SPAG4: variants seen among roughly 807,000 people sequenced by gnomAD.
SPAG4 encodes sperm-associated antigen 4 protein.
SPAG4 carries 54 observed loss-of-function variants against 53.9 expected under a neutral mutation model. That is an observed-to-expected ratio of 1.00 (90% CI 0.80 to 1.26). SPAG4 has a LOEUF of 1.26. Ranked by LOEUF, SPAG4 falls within the 50% of genes most tolerant of loss-of-function variation. SPAG4 has a pLI of 0.00. For missense variants in SPAG4, 548 were observed against 568.6 expected (o/e 0.96, Z 0.37); for synonymous variants, 246 against 237.4 (o/e 1.04, Z -0.33).
At chr20:35,617,979 G>T (rs79032128) in intron 4 of SPAG4, 108 bp from the exon 5 acceptor site, 1 of 1,361,926 alleles carries the variant, frequency 7.3e-7, no homozygotes, top group Non-Finnish European at 1.0e-6. Context: ...AGACTCCCAC[G>T]GTCCTCCCCA....
rs1318653624 is a variant in SPAG4 at position 35,620,880 on chromosome 20, A to G, written c.1172A>G (p.Asp391Gly). Reference protein sequence around the residue: ...SEIQTFHLQNDPPAAFPKVKI... With the variant: ...SEIQTFHLQNGPPAAFPKVKI... ...ATGATCCATTTGTCTCCCCAGAATG[A>G]CCCCCCAGCTGCCTTTCCCAAGGTG... The change falls in exon 12 of 12, where the codon GAC becomes GGC. Residue 391 changes from aspartate to glycine, a missense_variant. Asp to Gly is a moderately conservative substitution (Grantham distance 94, BLOSUM62 -1). Coordinates refer to ENST00000374273, the MANE Select transcript of SPAG4 (RefSeq NM_003116.3). The G allele has an allele frequency of 8.7e-6, 14 of 1,613,352 alleles. No individual in the cohort carries two copies. Among genetic ancestry groups the G allele is most frequent in the African/African-American group, 1.3e-5 (1 of 74,696 alleles).
chr20:35,617,693 T>C, intron 3 of SPAG4, 86 bp from the exon 4 acceptor site: 2 of 1,562,796 alleles, frequency 1.3e-6, no homozygotes, highest in Non-Finnish European at 8.8e-7. Context: ...GATTGAGTCA[T>C]GTTGGCAAGA....
intron 2 of SPAG4, 75 bp downstream of exon 2, chr20:35,617,315 C>T: frequency 2.7e-6 from 3 of 1,131,900 alleles, no homozygotes; most frequent in Non-Finnish European, 3.9e-6. Context: ...CTCTGAGCCC[C>T]CGGCCCCCGT....
rs370031819 is a variant in SPAG4, at chr20:35,619,674, T to G, written c.1005T>G (p.Thr335=). 1 of 1,613,814 alleles carries G rather than the reference T, an allele frequency of 6.2e-7. No homozygotes were observed. Among genetic ancestry groups the G allele is most frequent in the Non-Finnish European group, 8.5e-7 (1 of 1,179,930 alleles). Residue 335 remains threonine (T), a synonymous_variant, in exon 10 of 12, where the codon ACT becomes ACG. Transcript: ENST00000374273. Reference sequence around the variant, plus strand: ...GCCGAGTGCAGCTGAGCGACATCACTCTGCAGCATCCACCGCCCAGCGTGG... The same window carrying G: ...GCCGAGTGCAGCTGAGCGACATCACGCTGCAGCATCCACCGCCCAGCGTGG... ...LPGRVQLSDI[T]LQHPPPSVEH... is the part of the protein sequence containing the mutation.
Position 35,619,207 on chromosome 20 carries a change from A to T in SPAG4, c.806A>T (p.Asp269Val), listed in dbSNP as rs1410407939. ...CTCACTGTTCCAGGAGCCTCCATCG[A>T]CCTGCAGAAGACATCCCACGATTAC... ...YALSSVGASI[D>V]LQKTSHDYAD... The change falls in exon 9 of 12, where the codon GAC (aspartate) becomes GTC (valine). Residue 269 changes from aspartate (D) to valine (V), a missense_variant. Asp to Val is a radical substitution (Grantham distance 152, BLOSUM62 -3). Transcript: ENST00000374273. The T allele has an allele frequency of 6.2e-7, 1 of 1,612,410 alleles. No individual in the cohort carries two copies. The highest frequency in any genetic ancestry group is 1.7e-5 in the Admixed American group (1 of 59,794).
At chr20:35,617,352 T>A in intron 2 of SPAG4, 112 bp downstream of exon 2, 1 of 946,744 alleles carries the variant, frequency 1.1e-6, no homozygotes, top group Non-Finnish European at 1.6e-6. Context: ...TCTCCGAGCC[T>A]CAACTCATTC....
At position 35,618,069 on chromosome 20, in the gene SPAG4, C is replaced by G; in HGVS notation, c.539-18C>G. ...TCTCTTCCTTTTCCTTCTGAGACCC[C>G]TCCCTCTCTTTCTCCAGCATTCTGG... On this transcript the variant is annotated intron_variant, in intron 4 of 11. Transcript: ENST00000374273. The G allele has an allele frequency of 6.2e-7, 1 of 1,612,744 alleles. No individual in the cohort carries two copies. Among genetic ancestry groups the G allele is most frequent in the Admixed American group, 1.7e-5 (1 of 59,790 alleles).
chr20:35,621,032 T>G lies in SPAG4; in HGVS notation c.*10T>G. ...ACAGGGGCCCCATTAAACATGCTGA[T>G]TTTTGGAGTAGAATTGAGTTCTGCT... On this transcript the variant is annotated 3_prime_UTR_variant, in exon 12 of 12. Transcript: ENST00000374273. 4 of 1,612,336 alleles carry G rather than the reference T, an allele frequency of 2.5e-6. No individual in the cohort carries two copies. The highest frequency in any genetic ancestry group is 3.4e-6 in the Non-Finnish European group (4 of 1,178,510).
intron 10 of SPAG4, 114 bp from the exon 11 acceptor site, chr20:35,620,570 A>C: frequency 2.8e-6 from 2 of 701,976 alleles, no homozygotes; most frequent in East Asian, 2.6e-5. Context: ...ATACATGAGA[A>C]CATGCATATA....
rs1421186587 is a variant in SPAG4, at chr20:35,616,123, G to A, written c.120G>A (p.Ala40=). Residue 40 remains alanine (A), a synonymous_variant, in exon 1 of 12, where the codon GCG becomes GCA. Coordinates refer to ENST00000374273, the MANE Select transcript of SPAG4 (RefSeq NM_003116.3). ...AGGACAGCAAAGGGCTCCGGTCAGC[G>A]GAGCCCGGGCCTGGGGAGCCCGAGG... is the stretch of plus-strand genomic sequence containing the variant. ...TSEDSKGLRS[A]EPGPGEPEGR... is the part of the protein sequence containing the mutation. 1.3e-6 allele frequency: 2 copies of A among 1,589,684 alleles called. No individual in the cohort carries two copies. The highest frequency in any genetic ancestry group is 2.3e-5 in the South Asian group (2 of 87,744).
chr20:35,617,169 C>T lies in SPAG4; in HGVS notation c.338C>T (p.Pro113Leu), dbSNP rs2031415317. The T allele has an allele frequency of 1.3e-6, 2 of 1,595,950 alleles. No individual in the cohort carries two copies. Among genetic ancestry groups the T allele is most frequent in the African/African-American group, 2.7e-5 (2 of 74,570 alleles). ...GGGTCTCCAGTAGTCTCTGAGGAGC[C>T]GCTCGACCTTCTCCCGACCCTGGAT... ...PTGSPVVSEE[P>L]LDLLPTLDLR... is the part of the protein sequence containing the mutation. The change falls in exon 2 of 12, where the codon CCG becomes CTG. Residue 113 changes from proline to leucine, a missense_variant. By Grantham distance (98) the Pro-to-Leu change is moderately conservative. Coordinates refer to ENST00000374273, the MANE Select transcript of SPAG4 (RefSeq NM_003116.3).
At chr20:35,620,556 A>G in intron 10 of SPAG4, 128 bp from the exon 11 acceptor site, 3 of 669,122 alleles carry the variant, frequency 4.5e-6, no homozygotes, top group Admixed American at 4.8e-5. Context: ...ACGACCATCA[A>G]AAAATACATG....
chr20:35,617,308 T>C (rs1197421338), intron 2 of SPAG4, 68 bp downstream of exon 2: 17 of 1,176,176 alleles, frequency 1.4e-5, no homozygotes, highest in Non-Finnish European at 1.4e-5. Flanking sequence ...CAGTTCTCTC[T>C]GAGCCCCCGG....
rs1568900537 is a variant in SPAG4, at chr20:35,619,641, A to G, written c.972A>G (p.Gln324=). The change falls in exon 10 of 12, where the codon CAA becomes CAG. Residue 324 remains glutamine (Q), a synonymous_variant. Coordinates refer to ENST00000374273, the MANE Select transcript of SPAG4 (RefSeq NM_003116.3). Reference sequence around the variant, plus strand: ...GCGACCAAGGCCAGGTGGTGATCCAACTGCCGGGCCGAGTGCAGCTGAGCG... The same window carrying G: ...GCGACCAAGGCCAGGTGGTGATCCAGCTGCCGGGCCGAGTGCAGCTGAGCG... ...FEGDQGQVVI[Q]LPGRVQLSDI... 1 of 1,614,018 alleles carries G rather than the reference A, an allele frequency of 6.2e-7. No homozygotes were observed. Among genetic ancestry groups the G allele is most frequent in the Admixed American group, 1.7e-5 (1 of 60,020 alleles).
intron 11 of SPAG4, 24 bp from the exon 12 acceptor site, chr20:35,620,852 G>C: frequency 6.2e-7 from 1 of 1,613,456 alleles, no homozygotes. Flanking sequence ...GGCAGCCCTT[G>C]GCATGATCCA....
chr20:35,615,832 A>G lies in SPAG4; in HGVS notation c.-172A>G. ...CCGCGGAGACCGAGGCTCCTCTGTG[A>G]CGTCAGCAGCCGGCCGGGACACAGC... is the stretch of plus-strand genomic sequence containing the variant. On this transcript the variant is annotated 5_prime_UTR_variant, in exon 1 of 12. Transcript: ENST00000374273. 5.1e-6 allele frequency: 3 copies of G among 588,124 alleles called. No homozygotes were observed. The highest frequency in any genetic ancestry group is 5.7e-6 in the Non-Finnish European group (2 of 348,614). The allele number at this position is 588,124 out of a possible 1,614,324, so 36.4% of individuals were successfully genotyped here.
intron 5 of SPAG4, 23 bp downstream of exon 5, chr20:35,618,153 G>A: frequency 6.2e-7 from 1 of 1,611,208 alleles, no homozygotes; most frequent in South Asian, 1.1e-5. Flanking sequence ...GACTGTCTTG[G>A]GGTAGGGGGT....
chr20:35,617,432 A>G (rs1330355118), intron 2 of SPAG4, 88 bp from the exon 3 acceptor site: 2 of 853,866 alleles, frequency 2.3e-6, no homozygotes, highest in African/African-American at 3.7e-5. Context: ...GGCCCCTCCC[A>G]AGCCCCTTCT....
Position 35,618,460 on chromosome 20 carries a change from A to C in SPAG4, c.593A>C (p.Glu198Ala), listed in dbSNP as rs1313418158. The change falls in exon 6 of 12, where the codon GAG becomes GCG. Residue 198 changes from glutamate (E) to alanine (A), a missense_variant. Coordinates refer to ENST00000374273, the MANE Select transcript of SPAG4 (RefSeq NM_003116.3). Reference sequence around the variant, plus strand: ...CCCTTCATCCAACAGGAACCTAAGGAGATGCTGACTCTAAGGTGAAAGAGG... The same window carrying C: ...CCCTTCATCCAACAGGAACCTAAGGCGATGCTGACTCTAAGGTGAAAGAGG... ...LVSPLENEPK[E>A]MLTLSEYHER... 1 of 1,613,964 alleles carries C rather than the reference A, an allele frequency of 6.2e-7. No homozygotes were observed. The highest frequency in any genetic ancestry group is 1.1e-5 in the South Asian group (1 of 91,032).
Sources: gnomAD v4.1 joint callset for allele counts on GRCh38, gnomAD v4.1.1 for gene constraint, MANE v1.5 for transcripts, NCBI Gene and HGNC (gene_info 2026-07-23, HGNC 2026-07-21) for gene names.